The following ARFIP1 variants were observed in gnomAD, a reference collection of about 807,000 sequenced individuals.
ARFIP1 encodes the protein ARF interacting protein 1.
In ARFIP1, 24 loss-of-function variants were observed where a neutral mutation model predicts 42.5. That is an observed-to-expected ratio of 0.57 (90% CI 0.41 to 0.80). The LOEUF is 0.80. Ranked by LOEUF, ARFIP1 falls within the 30% of genes least tolerant of loss-of-function variation. The pLI, the probability that ARFIP1 is intolerant of heterozygous loss-of-function variation, is 0.00. For synonymous variants in ARFIP1, 141 were observed against 153.7 expected, an observed-to-expected ratio of 0.92 and a Z score of 0.61; for missense variants, 354 against 434.0, an observed-to-expected ratio of 0.82 and a Z score of 1.64.
At chr4:152,875,327 T>C (rs72723695) in intron 5 of ARFIP1, among the ~76,000 whole-genome samples, 3,996 of 151,414 alleles carry the variant, frequency 0.026, 97 homozygotes, top group South Asian at 0.11. Flanking sequence ...TTTTGATTTT[T>C]ATTTTTTCCT....
chr4:152,893,927 G>T (rs1737082703), intron 8 of ARFIP1, among the ~76,000 whole-genome samples: 1 of 151,874 alleles, frequency 6.6e-6, no homozygotes, highest in African/African-American at 2.4e-5. Context: ...TGTATATTAG[G>T]ATTTCTTTTC....
intron 2 of ARFIP1, among the ~76,000 whole-genome samples, chr4:152,861,093 A>G (rs1224901673): frequency 6.6e-6 from 1 of 152,356 alleles, no homozygotes; most frequent in South Asian, 2.1e-4. Context: ...AATGGAAATT[A>G]TATTAAATCC....
intron 1 of ARFIP1, among the ~76,000 whole-genome samples, chr4:152,805,327 G>C (rs1265305959): frequency 6.6e-6 from 1 of 152,244 alleles, no homozygotes; most frequent in Non-Finnish European, 1.5e-5. Flanking sequence ...AGGCTATGAG[G>C]TAGTGTATAG....
chr4:152,872,551 T>A lies in ARFIP1; in HGVS notation c.398T>A (p.Leu133Gln). 1 of 1,587,034 alleles carries A rather than the reference T, an allele frequency of 6.3e-7. No homozygotes were observed. The highest frequency in any genetic ancestry group is 8.6e-7 in the Non-Finnish European group (1 of 1,158,530). The change falls in exon 5 of 9, where the codon CTA becomes CAA. Residue 133 changes from leucine (L) to glutamine (Q), a missense_variant. Leu to Gln is a moderately radical substitution (Grantham distance 113, BLOSUM62 -2). Coordinates refer to ENST00000353617, the MANE Select transcript of ARFIP1 (RefSeq NM_001025595.3). ...TTAGAACTTGTTAGAAAATGGAGTC[T>A]AAACACCTATAAGGTTTGTAATTAT... ...EKLELVRKWS[L>Q]NTYKCTRQII...
intron 5 of ARFIP1, among the ~76,000 whole-genome samples, chr4:152,875,351 G>A (rs1189481357): frequency 5.9e-5 from 8 of 134,822 alleles, no homozygotes; most frequent in African/African-American, 2.2e-4. Context: ...CTAAAGTAGA[G>A]TGCTTTTTGA....
chr4:152,809,644 A>G (rs1215473560), intron 1 of ARFIP1: 1 of 152,318 alleles, frequency 6.6e-6, no homozygotes, highest in East Asian at 1.9e-4. Flanking sequence ...TGTCATGTTA[A>G]TTTATCCCCA....
chr4:152,845,616 A>T (rs1481514202), intron 2 of ARFIP1, among the ~76,000 whole-genome samples: 1 of 152,234 alleles, frequency 6.6e-6, no homozygotes, highest in Non-Finnish European at 1.5e-5. Context: ...ATCACTAATC[A>T]TCAGAGAAAT....
At chr4:152,789,600 A>C (rs1731032746) in intron 1 of ARFIP1, among the ~76,000 whole-genome samples, 1 of 152,180 alleles carries the variant, frequency 6.6e-6, no homozygotes, top group Non-Finnish European at 1.5e-5. Flanking sequence ...AAGTGTCTAC[A>C]TAAATTTTTG....
At chr4:152,849,882 A>G (rs569138086) in intron 2 of ARFIP1, among the ~76,000 whole-genome samples, 1 of 152,314 alleles carries the variant, frequency 6.6e-6, no homozygotes, top group South Asian at 2.1e-4. Flanking sequence ...TGAGTGGAAT[A>G]TGGGGTATGA....
rs190034342 is a variant in ARFIP1, at chr4:152,804,227, C to T, written c.-10+24001C>T. 3.0e-3 allele frequency among the ~76,000 whole-genome samples: 63 copies of T among 20,994 alleles called. 4 individuals carry two copies. The highest frequency in any genetic ancestry group is 9.3e-3 in the East Asian group (7 of 756). 13.8% of individuals were successfully genotyped at this position (20,994 alleles called of 152,430 possible). A position where few individuals can be genotyped will look rare whatever the true frequency, so the allele number is the denominator to read the frequency against. On this transcript the variant is annotated intron_variant, in intron 1 of 8. Transcript: ENST00000353617. ...GTATTATATATTATATATAATATAA[C>T]ATGTATTATATATAATATATAATAT...
rs550970210 is a variant in ARFIP1 at position 152,903,279 on chromosome 4, A to G, written c.967-6785A>G. Among the ~76,000 whole-genome samples the G allele has an allele frequency of 6.4e-4, 97 of 152,356 alleles. 1 individual carries two copies. Among genetic ancestry groups the G allele is most frequent in the Non-Finnish European group, 1.2e-3 (84 of 68,036 alleles). ...ATGTTTTGATTGGATGAGTCAACAC[A>G]CTATTCTTACGTAAATTTGTATCTG... On this transcript the variant is annotated intron_variant, in intron 8 of 8. Transcript: ENST00000353617.
At chr4:152,866,317 C>T (rs1410289940) in intron 3 of ARFIP1, among the ~76,000 whole-genome samples, 9 of 152,248 alleles carry the variant, frequency 5.9e-5, no homozygotes, top group African/African-American at 1.9e-4. Flanking sequence ...TTTTCCCCAC[C>T]TTTCCCCCTT....
In ARFIP1 at chr4:152,911,805, T is replaced by C. The variant is rs1053977224; in HGVS notation, c.*1586T>C. On this transcript the variant is annotated 3_prime_UTR_variant, in exon 9 of 9. Coordinates refer to ENST00000353617, the MANE Select transcript of ARFIP1 (RefSeq NM_001025595.3). The stretch of plus-strand genomic sequence containing the variant: ...GTATATTTGTACTCAGAGAGCCTTA[T>C]TTTATTCTTCCAGCAGAATTACTAC... 3.9e-5 allele frequency: 6 copies of C among 152,596 alleles called. No homozygotes were observed. The highest frequency in any genetic ancestry group is 2.6e-4 in the Admixed American group (4 of 15,280). 9.5% of individuals were successfully genotyped at this position (152,596 alleles called of 1,614,324 possible). A position where few individuals can be genotyped will look rare whatever the true frequency, so the allele number is the denominator to read the frequency against.
At chr4:152,845,156 T>C (rs745564314) in intron 2 of ARFIP1, among the ~76,000 whole-genome samples, 15 of 152,196 alleles carry the variant, frequency 9.9e-5, no homozygotes, top group Non-Finnish European at 1.3e-4. Flanking sequence ...TGGATAATCA[T>C]GTGCAGAAGA....
chr4:152,821,888 G>C (rs1730398888), intron 1 of ARFIP1, among the ~76,000 whole-genome samples: 1 of 152,058 alleles, frequency 6.6e-6, no homozygotes, highest in African/African-American at 2.4e-5. Context: ...AAATGAAGGA[G>C]AAATAAAGTC....
At chr4:152,899,950 A>T (rs544956983) in intron 8 of ARFIP1, among the ~76,000 whole-genome samples, 2 of 152,318 alleles carry the variant, frequency 1.3e-5, no homozygotes, top group African/African-American at 4.8e-5. Flanking sequence ...CTGGGATTCA[A>T]ATCTAGATCT....
At chr4:152,841,784 T>C (rs780339178) in intron 2 of ARFIP1, among the ~76,000 whole-genome samples, 2 of 152,226 alleles carry the variant, frequency 1.3e-5, no homozygotes, top group Non-Finnish European at 1.5e-5. Flanking sequence ...TTTTCCTTTA[T>C]AGGTAACCTT....
intron 8 of ARFIP1, 30 bp downstream of exon 8, chr4:152,888,337 G>A (rs1407822007): frequency 1.3e-6 from 2 of 1,497,150 alleles, no homozygotes; most frequent in African/African-American, 1.4e-5. Context: ...AGGTCTTTCT[G>A]TGGACTTTGA....
intron 1 of ARFIP1, among the ~76,000 whole-genome samples, chr4:152,824,032 G>A (rs1730610020): frequency 6.6e-6 from 1 of 152,008 alleles, no homozygotes; most frequent in African/African-American, 2.4e-5. Flanking sequence ...TCCCCATGAG[G>A]CCAGGTGCAG....
Sources: gnomAD v4.1 joint callset for allele counts (sites outside exome capture counted in the v4.1 genomes callset) on GRCh38, gnomAD v4.1.1 for gene constraint, MANE v1.5 for transcripts, NCBI Gene and HGNC (gene_info 2026-07-23, HGNC 2026-07-21) for gene names.